PTPRG: variants seen among roughly 807,000 people sequenced by gnomAD.
PTPRG encodes the protein receptor-type tyrosine-protein phosphatase gamma.
PTPRG carries 102 observed loss-of-function variants against 165.3 expected under a neutral mutation model. The ratio of observed to expected loss-of-function variants is 0.62; its 90% CI spans 0.53 to 0.73. The LOEUF (loss-of-function observed/expected upper bound fraction) is 0.73. PTPRG is among the 30% of genes least tolerant of loss of function. PTPRG has a pLI of 0.00. For synonymous variants in PTPRG, 675 were observed against 669.5 expected, an observed-to-expected ratio of 1.01 and a Z score of -0.13; for missense variants, 1,866 against 1,861.4, an observed-to-expected ratio of 1.00 and a Z score of -0.05.
At chr3:61,582,829 C>T (rs141780768) in intron 1 of PTPRG, among the ~76,000 whole-genome samples, 24 of 152,174 alleles carry the variant, frequency 1.6e-4, no homozygotes, top group Admixed American at 5.2e-4. Flanking sequence ...CACTTTGCTT[C>T]GGGTTTTGGG....
rs997235788 is a variant in PTPRG at position 61,975,329 on chromosome 3, G to C, written c.191-14296G>C. On this transcript the variant is annotated intron_variant, in intron 2 of 29. Coordinates refer to ENST00000474889, the MANE Select transcript of PTPRG (RefSeq NM_002841.4). The stretch of plus-strand genomic sequence containing the variant: ...AGTGAATTTGAGAATTATGTGAGAT[G>C]ACTCTTTGAAAGCACTTAGCACAAA... Among the ~76,000 whole-genome samples, 5 of 152,276 alleles carry C rather than the reference G, an allele frequency of 3.3e-5. No homozygotes were observed. The South Asian group carries it at 6.2e-4, about 19-fold the overall frequency.
chr3:61,590,086 G>C (rs1266522327), intron 1 of PTPRG, among the ~76,000 whole-genome samples: 1 of 152,082 alleles, frequency 6.6e-6, no homozygotes, highest in Non-Finnish European at 1.5e-5. Context: ...CCTAGAGCTT[G>C]TGTCCGTGTA....
intron 1 of PTPRG, among the ~76,000 whole-genome samples, chr3:61,726,443 T>C (rs1375213164): frequency 6.6e-6 from 1 of 152,210 alleles, no homozygotes; most frequent in Non-Finnish European, 1.5e-5. Flanking sequence ...ATCTCACTTG[T>C]ACTGATAATT....
intron 1 of PTPRG, among the ~76,000 whole-genome samples, chr3:61,710,213 G>T (rs765575941): frequency 4.6e-5 from 7 of 152,150 alleles, no homozygotes; most frequent in Non-Finnish European, 1.0e-4. Flanking sequence ...GAAACAGCTA[G>T]TATGAAAGAA....
chr3:61,629,368 T>C (rs977861645), intron 1 of PTPRG, among the ~76,000 whole-genome samples: 26 of 152,160 alleles, frequency 1.7e-4, no homozygotes, highest in Non-Finnish European at 3.2e-4. Flanking sequence ...TTGGCCAGGC[T>C]GGTCTTGAAA....
intron 1 of PTPRG, among the ~76,000 whole-genome samples, chr3:61,734,923 G>A (rs1351656518): frequency 6.6e-6 from 1 of 152,162 alleles, no homozygotes; most frequent in Non-Finnish European, 1.5e-5. Flanking sequence ...CCAAAGTCAT[G>A]AAACTGCTTT....
At chr3:61,747,981 G>A (rs907274460) in intron 1 of PTPRG, among the ~76,000 whole-genome samples, 1 of 152,212 alleles carries the variant, frequency 6.6e-6, no homozygotes, top group Non-Finnish European at 1.5e-5. Flanking sequence ...CCGCATCCAT[G>A]AGGTAGCTGG....
At chr3:61,644,021 G>T (rs1224870320) in intron 1 of PTPRG, among the ~76,000 whole-genome samples, 2 of 152,080 alleles carry the variant, frequency 1.3e-5, no homozygotes, top group African/African-American at 4.8e-5. Flanking sequence ...TACCCTAACA[G>T]AGACGATCAC....
intron 2 of PTPRG, among the ~76,000 whole-genome samples, chr3:61,825,755 C>T (rs530905193): frequency 6.9e-6 from 1 of 143,938 alleles, no homozygotes; most frequent in South Asian, 2.3e-4. Context: ...TGCCATTCTC[C>T]CTCCTCATCC....
intron 1 of PTPRG, among the ~76,000 whole-genome samples, chr3:61,582,289 A>T (rs911247379): frequency 2.0e-5 from 3 of 152,060 alleles, no homozygotes; most frequent in African/African-American, 4.8e-5. Context: ...TTTATTTATT[A>T]ATTTTTTGGT....
intron 7 of PTPRG, among the ~76,000 whole-genome samples, chr3:62,158,781 A>AT (rs941557747): frequency 1.6e-4 from 24 of 151,556 alleles, no homozygotes; most frequent in African/African-American, 3.2e-4. Flanking sequence ...TTACTTTCAG[A>AT]TTTTTTTTTC....
chr3:61,722,356 T>A (rs2032088146), intron 1 of PTPRG, among the ~76,000 whole-genome samples: 2 of 152,152 alleles, frequency 1.3e-5, no homozygotes, highest in African/African-American at 4.8e-5. Context: ...GCTCTACCTC[T>A]CAACACCACT....
At chr3:62,013,637 A>T (rs2041478303) in intron 4 of PTPRG, among the ~76,000 whole-genome samples, 3 of 152,232 alleles carry the variant, frequency 2.0e-5, no homozygotes, top group Admixed American at 6.5e-5. Context: ...CACTATAATC[A>T]TCATTTTACT....
chr3:61,866,582 C>CTTTCTT (rs2037414766), intron 2 of PTPRG, among the ~76,000 whole-genome samples: 1 of 69,068 alleles, frequency 1.4e-5, no homozygotes. Context: ...ACTGTTTGCT[C>CTTTCTT]TTTTTTTTTT....
At chr3:62,080,580 C>G (rs1047376112) in intron 5 of PTPRG, among the ~76,000 whole-genome samples, 1 of 152,180 alleles carries the variant, frequency 6.6e-6, no homozygotes, top group South Asian at 2.1e-4. Flanking sequence ...TCATGCCAAC[C>G]TGTGCTCAGA....
At chr3:61,990,668 A>G (rs1207809091) in intron 3 of PTPRG, among the ~76,000 whole-genome samples, 1 of 152,198 alleles carries the variant, frequency 6.6e-6, no homozygotes, top group Non-Finnish European at 1.5e-5. Flanking sequence ...GTTGATGCCT[A>G]AAGATATTTT....
At position 62,255,195 on chromosome 3, in the gene PTPRG, G is replaced by A. The variant is rs1466527868; in HGVS notation, c.2539G>A (p.Gly847Arg). The A allele has an allele frequency of 1.2e-6, 2 of 1,612,366 alleles. No individual in the cohort carries two copies. The highest frequency in any genetic ancestry group is 1.7e-6 in the Non-Finnish European group (2 of 1,179,122). ...IGELYSNNQH[G>R]FSEDFEEVQR... ...TGAGCTCTATTCTAATAACCAGCAT[G>A]GGTTCTCTGAGGATTTTGAGGTATG... The change falls in exon 16 of 30, where the codon GGG becomes AGG. Residue 847 changes from glycine to arginine, a missense_variant. Transcript: ENST00000474889. The surrounding 1 kb of genome is among the most constrained non-coding windows in gnomAD (Gnocchi z 4.0).
At chr3:61,908,663 A>G (rs1210457032) in intron 2 of PTPRG, among the ~76,000 whole-genome samples, 1 of 152,212 alleles carries the variant, frequency 6.6e-6, no homozygotes, top group Admixed American at 6.5e-5. Context: ...ATAGAAAGAA[A>G]GCAAACATGA....
At chr3:62,282,124 T>G (rs1702472397) in intron 27 of PTPRG, among the ~76,000 whole-genome samples, 2 of 152,054 alleles carry the variant, frequency 1.3e-5, no homozygotes, top group South Asian at 2.1e-4. Flanking sequence ...ATGAGCCCCT[T>G]CCTTGTTTTC....
Sources: gnomAD v4.1 joint callset for allele counts (sites outside exome capture counted in the v4.1 genomes callset) on GRCh38, gnomAD v4.1.1 for gene constraint, Gnocchi (gnomAD v3.1) non-coding constraint, MANE v1.5 for transcripts, NCBI Gene and HGNC (gene_info 2026-07-23, HGNC 2026-07-21) for gene names.